Variants in BRWD1 observed in about 807,000 individuals in gnomAD.
The protein encoded by BRWD1 is bromodomain and WD repeat-containing protein 1.
A neutral mutation model predicts 251.2 loss-of-function variants in BRWD1; 82 were observed. The ratio of observed to expected loss-of-function variants is 0.33; its 90% CI spans 0.27 to 0.39. BRWD1 has a LOEUF of 0.39. Among genes scored for constraint, BRWD1 ranks in the 10% least tolerant of loss-of-function variants. The pLI, the probability that BRWD1 is intolerant of heterozygous loss-of-function variation, is 1.00. For missense variants in BRWD1, 2,233 were observed against 2,711.6 expected, an observed-to-expected ratio of 0.82 and a Z score of 3.92; for synonymous variants, 918 against 902.8, an observed-to-expected ratio of 1.02 and a Z score of -0.30.
intron 22 of BRWD1, among the ~76,000 whole-genome samples, chr21:39,237,041 A>C (rs866290413): frequency 6.6e-6 from 1 of 152,204 alleles, no homozygotes; most frequent in Admixed American, 6.5e-5. Context: ...AAAAAAATTT[A>C]GGTATATTGT....
At chr21:39,317,246 A>T (rs549759618), upstream of BRWD1, 2 of 152,382 alleles carry the variant, frequency 1.3e-5, no homozygotes, top group Admixed American at 6.5e-5. Context: ...ATTCAATCCC[A>T]GCCATTCCAT....
At chr21:39,271,756 G>C (rs2035115050) in intron 13 of BRWD1, among the ~76,000 whole-genome samples, 2 of 145,292 alleles carry the variant, frequency 1.4e-5, no homozygotes, top group South Asian at 4.3e-4. Context: ...AATTAACAAA[G>C]GCTGGGCATG....
intron 21 of BRWD1, among the ~76,000 whole-genome samples, chr21:39,246,493 G>C (rs78371924): frequency 0.083 from 12,666 of 152,216 alleles, 541 homozygotes; most frequent in East Asian, 0.13. Flanking sequence ...ATACGACCCA[G>C]CATACCATCT....
Position 39,199,132 on chromosome 21 carries a change from T to G in BRWD1, c.5284A>C (p.Ser1762Arg). 1 of 1,614,062 alleles carries G rather than the reference T, an allele frequency of 6.2e-7. No homozygotes were observed. The highest frequency in any genetic ancestry group is 8.5e-7 in the Non-Finnish European group (1 of 1,179,996). Residue 1762 changes from serine to arginine, a missense_variant, in exon 40 of 41, where the codon AGT (serine) becomes CGT (arginine). By Grantham distance (110) the Ser-to-Arg change is moderately radical (BLOSUM62 -1). Coordinates refer to ENST00000342449, the MANE Select transcript of BRWD1 (RefSeq NM_033656.4). ...TTACATGCATGATCTGAATCATGAC[T>G]TTTAGAGTCTTCCTCAGAAGACTCT... ...KIESSEEDSK[S>R]HDSDHACNRT...
chr21:39,287,384 T>C (rs2035673181), intron 8 of BRWD1, among the ~76,000 whole-genome samples: 1 of 152,236 alleles, frequency 6.6e-6, no homozygotes, highest in Non-Finnish European at 1.5e-5. Context: ...ATTTGTCTGA[T>C]TGCTTCCTTG....
intron 13 of BRWD1, among the ~76,000 whole-genome samples, chr21:39,273,533 A>C (rs2035184446): frequency 6.6e-6 from 1 of 152,216 alleles, no homozygotes; most frequent in South Asian, 2.1e-4. Context: ...ACTTGAGCCC[A>C]AGAGTTCAAG....
rs2031318067 is a variant in BRWD1, at chr21:39,187,639, A to G, written c.*8620T>C. ...AGGATGTCACTTAAAACAGTAGCAG[A>G]CTTGTAAGAATGGGGTGAAAAGTTC... On this transcript the variant is annotated 3_prime_UTR_variant, in exon 41 of 41. Transcript: ENST00000342449. 2 of 985,382 alleles carry G rather than the reference A, an allele frequency of 2.0e-6. No homozygotes were observed. Among genetic ancestry groups the G allele is most frequent in the African/African-American group, 1.7e-5 (1 of 57,362 alleles). The allele number at this position is 985,382 out of a possible 1,614,324, so 61.0% of individuals were successfully genotyped here.
At chr21:39,310,984 G>A (rs1181990129) in intron 4 of BRWD1, among the ~76,000 whole-genome samples, 1 of 151,868 alleles carries the variant, frequency 6.6e-6, no homozygotes, top group Non-Finnish European at 1.5e-5. Context: ...GGGACTGGAG[G>A]GCAGAGAGGA....
intron 4 of BRWD1, among the ~76,000 whole-genome samples, chr21:39,304,141 CAAAAAAAAA>C (rs56990201): frequency 9.3e-5 from 11 of 118,398 alleles, no homozygotes; most frequent in Admixed American, 9.0e-5. Context: ...AACTCTTTCT[CAAAAAAAAA>C]AAAAAAAAAA....
chr21:39,206,323 A>G (rs1390258406), intron 36 of BRWD1, 49 bp from the exon 37 acceptor site: 6 of 1,326,908 alleles, frequency 4.5e-6, no homozygotes, highest in Non-Finnish European at 5.2e-6. Flanking sequence ...CCTTAAAAGT[A>G]CTTAAGAAAT....
At chr21:39,305,886 T>C (rs1157962212) in intron 4 of BRWD1, among the ~76,000 whole-genome samples, 1 of 147,804 alleles carries the variant, frequency 6.8e-6, no homozygotes, top group Non-Finnish European at 1.5e-5. Context: ...AAAAAAACCT[T>C]ATCGGGGTGT....
chr21:39,241,353 T>C (rs1488671778), intron 21 of BRWD1, among the ~76,000 whole-genome samples: 2 of 150,046 alleles, frequency 1.3e-5, no homozygotes, highest in Admixed American at 6.6e-5. Context: ...CTGTAATCCC[T>C]GCTACTTGGG....
chr21:39,223,423 T>C (rs2033258404), intron 29 of BRWD1, among the ~76,000 whole-genome samples: 1 of 152,020 alleles, frequency 6.6e-6, no homozygotes, highest in Admixed American at 6.5e-5. Flanking sequence ...TACAAATCAG[T>C]AAAAACACAT....
chr21:39,193,222 T>C lies in BRWD1; in HGVS notation c.*3037A>G, dbSNP rs2031644658. On this transcript the variant is annotated 3_prime_UTR_variant, in exon 41 of 41. Coordinates refer to ENST00000342449, the MANE Select transcript of BRWD1 (RefSeq NM_033656.4). ...GCAGCTCTACTATTTGAAAGGAACC[T>C]TTCTGTTGTAATTTACAAGCTGTGA... The C allele has an allele frequency of 1.0e-6, 1 of 985,028 alleles. No homozygotes were observed. The highest frequency in any genetic ancestry group is 4.7e-5 in the South Asian group (1 of 21,290). The allele number at this position is 985,028 out of a possible 1,614,324, so 61.0% of individuals were successfully genotyped here.
chr21:39,206,502 T>TTC (rs2032396967), intron 36 of BRWD1, among the ~76,000 whole-genome samples: 1 of 152,224 alleles, frequency 6.6e-6, no homozygotes, highest in Admixed American at 6.5e-5. Context: ...GTCAAGCATC[T>TTC]ATATTCAGGA....
chr21:39,222,694 T>C (rs1156623174), intron 29 of BRWD1, among the ~76,000 whole-genome samples: 1 of 152,128 alleles, frequency 6.6e-6, no homozygotes, highest in Non-Finnish European at 1.5e-5. Flanking sequence ...AACTAACACA[T>C]GTAAGACAAT....
Position 39,188,201 on chromosome 21 carries a change from T to C in BRWD1, c.*8058A>G, listed in dbSNP as rs925807888. The C allele has an allele frequency of 4.1e-6, 4 of 985,306 alleles. No individual in the cohort carries two copies. The African/African-American group carries it at 7.0e-5, about 17-fold the overall frequency. 61.0% of individuals were successfully genotyped at this position (985,306 alleles called of 1,614,324 possible). A position where few individuals can be genotyped will look rare whatever the true frequency, so the allele number is the denominator to read the frequency against. On this transcript the variant is annotated 3_prime_UTR_variant, in exon 41 of 41. Transcript: ENST00000342449. ...AGAAGTGATATTCCTTTTACGTATCTGAAGTTCACGGGCCCTTGAATTTTA... is the reference window on the plus strand; with the variant it reads ...AGAAGTGATATTCCTTTTACGTATCCGAAGTTCACGGGCCCTTGAATTTTA...
intron 13 of BRWD1, among the ~76,000 whole-genome samples, chr21:39,271,942 G>C (rs1373784750): frequency 2.0e-5 from 3 of 147,100 alleles, no homozygotes; most frequent in East Asian, 3.9e-4. Flanking sequence ...GGGAGGCTGA[G>C]GAAGGAGAAT....
chr21:39,247,664 A>C, intron 21 of BRWD1, 37 bp downstream of exon 21: 1 of 1,565,218 alleles, frequency 6.4e-7, no homozygotes, highest in Non-Finnish European at 8.6e-7. Context: ...AAATTCATTT[A>C]AGATTATCTT....
Sources: allele counts gnomAD v4.1 joint callset (sites outside exome capture counted in the v4.1 genomes callset), GRCh38; gene constraint gnomAD v4.1.1; transcripts MANE v1.5; gene names NCBI Gene and HGNC (gene_info 2026-07-23, HGNC 2026-07-21).